PTPRD: variants seen among roughly 807,000 people sequenced by gnomAD.
PTPRD encodes protein tyrosine phosphatase receptor type D.
In PTPRD, 34 loss-of-function variants were observed where a neutral mutation model predicts 214.5. The observed-to-expected ratio is 0.16, with a 90% CI of 0.12 to 0.21. The LOEUF is 0.21. PTPRD is among the 10% of genes least tolerant of loss of function. The pLI is 1.00. For missense variants in PTPRD, 2,545 were observed against 2,398.7 expected, an observed-to-expected ratio of 1.06 and a Z score of -1.27; for synonymous variants, 1,128 against 845.7, an observed-to-expected ratio of 1.33 and a Z score of -5.79.
intron 4 of PTPRD, among the ~76,000 whole-genome samples, chr9:9,967,711 G>C (rs1426522902): frequency 2.0e-5 from 3 of 152,270 alleles, no homozygotes; most frequent in Middle Eastern, 3.4e-3. Flanking sequence ...GGCAGTTTTG[G>C]TTTGCAATGT....
Position 9,134,058 on chromosome 9 carries a change from CTTTTTTTTT to C in PTPRD, c.-143+49237_-143+49245del, listed in dbSNP as rs928663989. On this transcript the variant is annotated intron_variant, in intron 10 of 45. Transcript: ENST00000381196. ...TTCCAATAGTTCATATAGAATCATT[CTTTTTTTTT>C]TTTTTTTTTTTTTTTTGAGACGGAG... Among the ~76,000 whole-genome samples, 5 of 75,422 alleles carry C rather than the reference CTTTTTTTTT, an allele frequency of 6.6e-5. 1 individual carries two copies. The highest frequency in any genetic ancestry group is 5.8e-4 in the South Asian group (1 of 1,710). 49.5% of individuals were successfully genotyped at this position (75,422 alleles called of 152,430 possible).
intron 5 of PTPRD, among the ~76,000 whole-genome samples, chr9:9,793,363 A>C (rs1173687512): frequency 6.6e-6 from 1 of 152,132 alleles, no homozygotes; most frequent in South Asian, 2.1e-4. Context: ...ATATCCAGAA[A>C]CAAAAGTAAA....
rs60497550 is a variant in PTPRD, at chr9:10,584,209, G to A, written c.-600+28189C>T. Among the ~76,000 whole-genome samples the A allele has an allele frequency of 7.3e-5, 11 of 149,880 alleles. No homozygotes were observed. The East Asian group carries it at 2.0e-3, about 27-fold the overall frequency. On this transcript the variant is annotated intron_variant, in intron 2 of 45. Transcript: ENST00000381196. ...AAAAAAAAAAAGAAAGAAAAAAAAA[G>A]AAAGGCTCTTATCTCTTTCTTCCTT...
chr9:8,969,746 T>C (rs1373935364), intron 11 of PTPRD, among the ~76,000 whole-genome samples: 2 of 151,848 alleles, frequency 1.3e-5, no homozygotes, highest in Non-Finnish European at 2.9e-5. Context: ...TAGTGAGCCA[T>C]CAGAATGAGG....
intron 2 of PTPRD, among the ~76,000 whole-genome samples, chr9:10,465,328 G>A (rs530627886): frequency 2.6e-5 from 4 of 152,010 alleles, no homozygotes; most frequent in South Asian, 4.2e-4. Context: ...ACTCCCCTGC[G>A]CAAAAAAGGA....
chr9:10,331,001 T>A (rs1401903730), intron 3 of PTPRD, among the ~76,000 whole-genome samples: 1 of 151,822 alleles, frequency 6.6e-6, no homozygotes, highest in African/African-American at 2.4e-5. Context: ...ATTTCAGTTT[T>A]GTCCTTGTTC....
chr9:8,980,388 T>C (rs1288552198), intron 11 of PTPRD, among the ~76,000 whole-genome samples: 1 of 152,072 alleles, frequency 6.6e-6, no homozygotes, highest in Non-Finnish European at 1.5e-5. Context: ...TTTAGCTGCT[T>C]TTGTCATAAA....
At chr9:8,962,457 T>C (rs1567261680) in intron 11 of PTPRD, among the ~76,000 whole-genome samples, 2 of 152,082 alleles carry the variant, frequency 1.3e-5, no homozygotes, top group South Asian at 4.2e-4. Context: ...GGATGTGATT[T>C]TGGCAGTCAT....
intron 2 of PTPRD, among the ~76,000 whole-genome samples, chr9:10,424,848 C>T (rs991743161): frequency 6.6e-6 from 1 of 151,898 alleles, no homozygotes; most frequent in Non-Finnish European, 1.5e-5. Flanking sequence ...TACTGAATAG[C>T]ATGCTGGTTC....
At chr9:10,227,588 G>A (rs958594222) in intron 3 of PTPRD, among the ~76,000 whole-genome samples, 2 of 151,900 alleles carry the variant, frequency 1.3e-5, no homozygotes, top group Non-Finnish European at 2.9e-5. Flanking sequence ...CCTCCTCAAT[G>A]ATGCCTTGAG....
rs139157207 is a variant in PTPRD at position 9,896,517 on chromosome 9, A to G, written c.-368+41990T>C. Among the ~76,000 whole-genome samples the G allele has an allele frequency of 4.0e-3, 607 of 152,152 alleles. 1 individual carries two copies. Among genetic ancestry groups the G allele is most frequent in the African/African-American group, 0.014 (577 of 41,548 alleles). On this transcript the variant is annotated intron_variant, in intron 5 of 45. Coordinates refer to ENST00000381196, the MANE Select transcript of PTPRD (RefSeq NM_002839.4). The stretch of plus-strand genomic sequence containing the variant: ...AATAGTCTAGTGCATTTGGATAGCT[A>G]AACACATTTTTTAAAAGAAAGGAAA...
intron 3 of PTPRD, among the ~76,000 whole-genome samples, chr9:10,253,663 T>A (rs910598563): frequency 1.3e-5 from 2 of 152,202 alleles, no homozygotes; most frequent in African/African-American, 4.8e-5. Context: ...AAGAAAAATC[T>A]CTCAGAGTGG....
chr9:10,250,509 C>T (rs867731143), intron 3 of PTPRD, among the ~76,000 whole-genome samples: 1 of 152,050 alleles, frequency 6.6e-6, no homozygotes, highest in African/African-American at 2.4e-5. Flanking sequence ...TATTTTCAAG[C>T]TTTTCCCAAA....
intron 9 of PTPRD, among the ~76,000 whole-genome samples, chr9:9,280,552 G>A (rs977777251): frequency 8.6e-5 from 13 of 151,202 alleles, no homozygotes; most frequent in African/African-American, 2.7e-4. Flanking sequence ...AAATGGAATA[G>A]TTAAGCATAA....
chr9:8,345,870 C>A (rs1857115291), intron 39 of PTPRD, among the ~76,000 whole-genome samples: 1 of 151,914 alleles, frequency 6.6e-6, no homozygotes, highest in African/African-American at 2.4e-5. Flanking sequence ...TGGATTCTTC[C>A]ATCTGTATCA....
chr9:9,456,219 T>C (rs2092977201), intron 8 of PTPRD, among the ~76,000 whole-genome samples: 1 of 151,872 alleles, frequency 6.6e-6, no homozygotes, highest in Non-Finnish European at 1.5e-5. Flanking sequence ...TAATCATCTC[T>C]GTAGTTCAAT....
At chr9:10,414,147 C>A (rs2098464511) in intron 2 of PTPRD, among the ~76,000 whole-genome samples, 1 of 151,878 alleles carries the variant, frequency 6.6e-6, no homozygotes, top group South Asian at 2.1e-4. Context: ...GCGAAAGCAA[C>A]TATCAGCAGA....
chr9:9,318,809 T>C (rs1326525683), intron 9 of PTPRD, among the ~76,000 whole-genome samples: 3 of 152,188 alleles, frequency 2.0e-5, no homozygotes, highest in Admixed American at 1.3e-4. Flanking sequence ...AAGTTCACAG[T>C]GGAGGTGAGC....
chr9:8,902,630 C>T (rs1013898673), intron 11 of PTPRD, among the ~76,000 whole-genome samples: 1 of 152,082 alleles, frequency 6.6e-6, no homozygotes, highest in Non-Finnish European at 1.5e-5. Flanking sequence ...CAGGCATGAG[C>T]CACCACGCCC....
Sources: gnomAD v4.1 joint callset for allele counts (sites outside exome capture counted in the v4.1 genomes callset) on GRCh38, gnomAD v4.1.1 for gene constraint, MANE v1.5 for transcripts, NCBI Gene and HGNC (gene_info 2026-07-23, HGNC 2026-07-21) for gene names.